The following FBXL2 variants were observed in gnomAD, a reference collection of about 807,000 sequenced individuals.
FBXL2 encodes the protein F-box/LRR-repeat protein 2.
In FBXL2, 38 loss-of-function variants were observed where a neutral mutation model predicts 69.2. The ratio of observed to expected loss-of-function variants is 0.55; its 90% CI spans 0.42 to 0.72. FBXL2 has a LOEUF of 0.72. FBXL2 is among the 30% of genes least tolerant of loss of function. The pLI is 0.00. For synonymous variants in FBXL2, 192 were observed against 201.3 expected, an observed-to-expected ratio of 0.95 and a Z score of 0.39; for missense variants, 354 against 520.3, an observed-to-expected ratio of 0.68 and a Z score of 3.11.
At chr3:33,311,622 T>C (rs539355688) in intron 2 of FBXL2, among the ~76,000 whole-genome samples, 72 of 152,198 alleles carry the variant, frequency 4.7e-4, no homozygotes, top group African/African-American at 1.7e-3. Flanking sequence ...CTACGGAATT[T>C]GTTTGGCTCT....
chr3:33,366,924 C>T (rs1016690165), intron 5 of FBXL2, among the ~76,000 whole-genome samples: 2 of 151,858 alleles, frequency 1.3e-5, no homozygotes, highest in Admixed American at 6.6e-5. Flanking sequence ...AGCAACAGAA[C>T]GAGACTCCAT....
chr3:33,397,988 T>C (rs2044074105), intron 12 of FBXL2: 2 of 152,198 alleles, frequency 1.3e-5, no homozygotes, highest in Non-Finnish European at 2.9e-5. Context: ...AGGATTTGCT[T>C]TGAAATACAA....
intron 12 of FBXL2, chr3:33,400,913 A>C (rs762075669): frequency 1.3e-6 from 2 of 1,558,952 alleles, no homozygotes; most frequent in Admixed American, 4.1e-5. Flanking sequence ...AAAACTTTAA[A>C]ATGTAGAACC....
Position 33,339,285 on chromosome 3 carries a change from A to G in FBXL2, c.66-19682A>G, listed in dbSNP as rs188570153. The stretch of plus-strand genomic sequence containing the variant: ...ATTAAAATTCAAAAAACAGATGCTG[A>G]TGAGGATGCAGAGAGAGGGGAATCC... On this transcript the variant is annotated intron_variant, in intron 2 of 14. Coordinates refer to ENST00000484457, the MANE Select transcript of FBXL2 (RefSeq NM_012157.5). 1.3e-3 allele frequency among the ~76,000 whole-genome samples: 193 copies of G among 152,324 alleles called. 1 individual carries two copies. The highest frequency in any genetic ancestry group is 4.4e-3 in the African/African-American group (184 of 41,580).
intron 1 of FBXL2, among the ~76,000 whole-genome samples, chr3:33,290,177 A>G (rs1201899929): frequency 6.6e-6 from 1 of 152,230 alleles, no homozygotes; most frequent in Non-Finnish European, 1.5e-5. Flanking sequence ...AACAGTGCTC[A>G]GATTTTAGCT....
intron 1 of FBXL2, among the ~76,000 whole-genome samples, chr3:33,284,089 T>C (rs1407374689): frequency 6.6e-6 from 1 of 152,254 alleles, no homozygotes; most frequent in African/African-American, 2.4e-5. Flanking sequence ...TGCCTTCGGC[T>C]AGCTTTTGAA....
intron 4 of FBXL2, among the ~76,000 whole-genome samples, 154 bp downstream of exon 4, chr3:33,359,511 A>G (rs548985984): frequency 6.6e-6 from 1 of 152,198 alleles, no homozygotes; most frequent in Non-Finnish European, 1.5e-5. Context: ...GCATACATCA[A>G]AACAAAACCC....
At chr3:33,320,687 G>A (rs1371849931) in intron 2 of FBXL2, among the ~76,000 whole-genome samples, 4 of 151,914 alleles carry the variant, frequency 2.6e-5, no homozygotes, top group Admixed American at 2.6e-4. Flanking sequence ...CACCATGTTG[G>A]TCAGGCTGAT....
chr3:33,414,485 A>G, the FBXL2 span, among the ~76,000 whole-genome samples: 1 of 152,226 alleles, frequency 6.6e-6, no homozygotes, highest in South Asian at 2.1e-4. Flanking sequence ...ACATTGCTAA[A>G]TATGTTCAGC....
chr3:33,410,840 G>A, the FBXL2 span, among the ~76,000 whole-genome samples: 2 of 152,210 alleles, frequency 1.3e-5, no homozygotes, highest in East Asian at 3.9e-4. Flanking sequence ...AGGAGGACAA[G>A]GCAGGTAGAT....
intron 2 of FBXL2, among the ~76,000 whole-genome samples, chr3:33,340,703 C>T (rs1001428160): frequency 6.6e-6 from 1 of 151,370 alleles, no homozygotes; most frequent in South Asian, 2.1e-4. Flanking sequence ...ACCAGCCAGG[C>T]CAACATGGTG....
At chr3:33,368,818 C>T (rs2042112928) in intron 5 of FBXL2, among the ~76,000 whole-genome samples, 1 of 152,040 alleles carries the variant, frequency 6.6e-6, no homozygotes, top group Non-Finnish European at 1.5e-5. Context: ...GATCTCCTGA[C>T]CTTGTGATCC....
chr3:33,325,411 T>C (rs917070456), intron 2 of FBXL2, among the ~76,000 whole-genome samples: 8 of 152,220 alleles, frequency 5.3e-5, no homozygotes, highest in Non-Finnish European at 1.0e-4. Flanking sequence ...CCATTCAGTA[T>C]GATATTGGTT....
chr3:33,375,461 T>C, intron 10 of FBXL2, 43 bp downstream of exon 10: 1 of 1,597,792 alleles, frequency 6.3e-7, no homozygotes, highest in Non-Finnish European at 8.6e-7. Flanking sequence ...AGAGTTTGGC[T>C]GAGTTAACCA....
intron 2 of FBXL2, among the ~76,000 whole-genome samples, chr3:33,356,125 TGC>T (rs2041183268): frequency 6.6e-6 from 1 of 152,204 alleles, no homozygotes; most frequent in African/African-American, 2.4e-5. Flanking sequence ...TGTGAGCTCT[TGC>T]TTCACTTGTG....
chr3:33,323,939 C>T (rs2038461701), intron 2 of FBXL2, among the ~76,000 whole-genome samples: 1 of 152,200 alleles, frequency 6.6e-6, no homozygotes, highest in African/African-American at 2.4e-5. Context: ...TAAGAGCGTT[C>T]CTATTTCTCC....
chr3:33,406,095 A>G (rs994120987), downstream of FBXL2, among the ~76,000 whole-genome samples: 7 of 152,204 alleles, frequency 4.6e-5, no homozygotes, highest in African/African-American at 1.7e-4. Context: ...ATTTTACACA[A>G]CAATGCCCAT....
intron 2 of FBXL2, among the ~76,000 whole-genome samples, chr3:33,351,141 C>T (rs2040801092): frequency 6.6e-6 from 1 of 152,016 alleles, no homozygotes; most frequent in Non-Finnish European, 1.5e-5. Context: ...GTGGTGGTAG[C>T]TGTAATCCCA....
At position 33,281,957 on chromosome 3, in the gene FBXL2, G is replaced by T. The variant is rs534464856; in HGVS notation, c.3+4442G>T. Reference sequence around the variant, plus strand: ...GATTCTGGATATTAGCCCTTTGTCAGATGGGTAGATTGCAAAAATTTTCTC... The same window carrying T: ...GATTCTGGATATTAGCCCTTTGTCATATGGGTAGATTGCAAAAATTTTCTC... On this transcript the variant is annotated intron_variant, in intron 1 of 14. Transcript: ENST00000484457. Among the ~76,000 whole-genome samples the T allele has an allele frequency of 3.9e-5, 6 of 152,316 alleles. No homozygotes were observed. The East Asian group carries it at 9.6e-4, about 24-fold the overall frequency.
Sources: gnomAD v4.1 joint callset for allele counts (sites outside exome capture counted in the v4.1 genomes callset) on GRCh38, gnomAD v4.1.1 for gene constraint, MANE v1.5 for transcripts, NCBI Gene and HGNC (gene_info 2026-07-23, HGNC 2026-07-21) for gene names.